The following DCC variants were observed in gnomAD, a reference collection of about 807,000 sequenced individuals.
The protein encoded by DCC is DCC netrin 1 receptor.
DCC carries 58 observed loss-of-function variants against 172.5 expected under a neutral mutation model. That is an observed-to-expected ratio of 0.34 (90% CI 0.27 to 0.42). The LOEUF (loss-of-function observed/expected upper bound fraction) is 0.42, where lower values mean the gene tolerates loss of function less well. Among genes scored for constraint, DCC ranks in the 10% least tolerant of loss-of-function variants. The probability of loss-of-function intolerance (pLI) is 1.00; values close to 1 mark genes in which losing one functional copy is unlikely to be tolerated. For missense variants in DCC, 1,740 were observed against 1,791.0 expected (o/e 0.97, Z 0.51); for synonymous variants, 709 against 644.5 (o/e 1.10, Z -1.52).
intron 7 of DCC, among the ~76,000 whole-genome samples, chr18:53,152,820 C>G (rs1009725033): frequency 3.9e-5 from 6 of 152,036 alleles, no homozygotes; most frequent in African/African-American, 9.7e-5. Flanking sequence ...AAATTAATTC[C>G]CCTGTATAAG....
At chr18:52,673,866 G>C (rs1238894687) in intron 1 of DCC, among the ~76,000 whole-genome samples, 1 of 152,176 alleles carries the variant, frequency 6.6e-6, no homozygotes. Flanking sequence ...ATAGTTGGTA[G>C]TGCCTCCACT....
At chr18:53,446,247 C>A (rs1420486503) in intron 22 of DCC, among the ~76,000 whole-genome samples, 2 of 152,028 alleles carry the variant, frequency 1.3e-5, no homozygotes, top group Non-Finnish European at 2.9e-5. Flanking sequence ...GATTGTGCCA[C>A]TGCACTCCAG....
chr18:53,226,885 T>A (rs2056037076), intron 12 of DCC, among the ~76,000 whole-genome samples: 1 of 147,818 alleles, frequency 6.8e-6, no homozygotes, highest in African/African-American at 2.5e-5. Context: ...ATTAGTTAAG[T>A]ATAGAATAGA....
At chr18:52,637,170 A>C (rs1026361949) in intron 1 of DCC, among the ~76,000 whole-genome samples, 2 of 152,228 alleles carry the variant, frequency 1.3e-5, no homozygotes, top group African/African-American at 4.8e-5. Context: ...TCTGAACAAC[A>C]GACTTCAGCC....
intron 2 of DCC, among the ~76,000 whole-genome samples, chr18:52,839,299 G>T (rs2038765328): frequency 6.6e-6 from 1 of 152,186 alleles, no homozygotes. Context: ...TTGTGTGCAT[G>T]TGCGTGCTGG....
chr18:52,428,066 A>G (rs985985065), intron 1 of DCC, among the ~76,000 whole-genome samples: 2 of 151,936 alleles, frequency 1.3e-5, no homozygotes, highest in Non-Finnish European at 2.9e-5. Context: ...TTTGAATGCT[A>G]CTGTCCTTAT....
chr18:52,763,109 A>G (rs890482151), intron 2 of DCC, among the ~76,000 whole-genome samples: 1 of 152,100 alleles, frequency 6.6e-6, no homozygotes, highest in South Asian at 2.1e-4. Flanking sequence ...TTCTTTTCAT[A>G]CACATTTTAA....
intron 22 of DCC, among the ~76,000 whole-genome samples, chr18:53,441,670 T>G (rs561638178): frequency 6.6e-6 from 1 of 152,164 alleles, no homozygotes; most frequent in Non-Finnish European, 1.5e-5. Flanking sequence ...CTGGCCACTT[T>G]GCCTGATTGT....
At chr18:53,467,574 G>A (rs1291737973) in intron 24 of DCC, among the ~76,000 whole-genome samples, 1 of 151,950 alleles carries the variant, frequency 6.6e-6, no homozygotes, top group Non-Finnish European at 1.5e-5. Context: ...TTTTATAGCA[G>A]GTTACAAAAA....
intron 2 of DCC, among the ~76,000 whole-genome samples, chr18:52,756,402 C>T (rs1177330392): frequency 1.3e-5 from 2 of 152,160 alleles, no homozygotes; most frequent in Non-Finnish European, 2.9e-5. Context: ...TGCCATCCTC[C>T]TCTCTACCTC....
intron 13 of DCC, among the ~76,000 whole-genome samples, chr18:53,311,997 G>T (rs1373182714): frequency 6.6e-6 from 1 of 151,996 alleles, no homozygotes; most frequent in Non-Finnish European, 1.5e-5. Flanking sequence ...ATGTCTATTG[G>T]ACAATAAAAC....
At chr18:53,353,050 G>A (rs1051348825) in intron 15 of DCC, among the ~76,000 whole-genome samples, 8 of 148,666 alleles carry the variant, frequency 5.4e-5, no homozygotes, top group Non-Finnish European at 1.2e-4. Context: ...AGTTTTATTA[G>A]AGTGGAGAAA....
chr18:53,003,159 C>T (rs1260339059), intron 5 of DCC, among the ~76,000 whole-genome samples: 3 of 152,142 alleles, frequency 2.0e-5, no homozygotes, highest in Non-Finnish European at 4.4e-5. Context: ...TTGACGTCCT[C>T]TCCAGTGTCT....
chr18:52,575,755 G>A (rs796934827), intron 1 of DCC, among the ~76,000 whole-genome samples: 7 of 152,106 alleles, frequency 4.6e-5, no homozygotes, highest in Non-Finnish European at 7.4e-5. Context: ...TAGAAATTTC[G>A]TTGTAATTTA....
chr18:53,096,515 C>T (rs16956110), intron 7 of DCC, among the ~76,000 whole-genome samples: 39,263 of 151,938 alleles, frequency 0.26, 6,201 homozygotes, highest in African/African-American at 0.44. Context: ...GTTAGTTGTG[C>T]TGGCCTCTAG....
At chr18:52,988,291 T>C (rs1486840561) in intron 5 of DCC, among the ~76,000 whole-genome samples, 4 of 152,114 alleles carry the variant, frequency 2.6e-5, no homozygotes, top group Non-Finnish European at 5.9e-5. Context: ...TCTTTCCTCT[T>C]ACTTTATACA....
chr18:53,105,362 C>T (rs1205719218), intron 7 of DCC, among the ~76,000 whole-genome samples: 3 of 151,942 alleles, frequency 2.0e-5, no homozygotes, highest in Non-Finnish European at 4.4e-5. Context: ...GATTCAAGCC[C>T]ATTTATTTCC....
chr18:52,420,110 C>A (rs577667922), intron 1 of DCC, among the ~76,000 whole-genome samples: 4 of 152,208 alleles, frequency 2.6e-5, no homozygotes, highest in Non-Finnish European at 5.9e-5. Context: ...TTCGGTTTTG[C>A]ATATCCTGTA....
rs191104555 is a variant in DCC at position 53,395,011 on chromosome 18, G to A, written c.2689-2297G>A. Among the ~76,000 whole-genome samples the A allele has an allele frequency of 2.6e-4, 40 of 151,974 alleles. 1 individual carries two copies. The East Asian group carries it at 7.2e-3, about 27-fold the overall frequency. ...ATACAAAAATTAGCTGGGCGTGGTG[G>A]GGGGGCGGGGCGCCTGTAATCCCAG... On this transcript the variant is annotated intron_variant, in intron 17 of 28. Transcript: ENST00000442544.
Sources: gnomAD v4.1 joint callset for allele counts (sites outside exome capture counted in the v4.1 genomes callset) on GRCh38, gnomAD v4.1.1 for gene constraint, MANE v1.5 for transcripts, NCBI Gene and HGNC (gene_info 2026-07-23, HGNC 2026-07-21) for gene names.